ALMS1: variants seen among roughly 807,000 people sequenced by gnomAD.
The protein encoded by ALMS1 is centrosome-associated protein ALMS1.
In ALMS1, 271 loss-of-function variants were observed where a neutral mutation model predicts 352.2. The observed-to-expected ratio is 0.77, with a 90% CI of 0.70 to 0.85. The LOEUF is 0.85. Ranked by LOEUF, ALMS1 falls within the 40% of genes least tolerant of loss-of-function variation. The pLI is 0.00. For missense variants in ALMS1, 5,445 were observed against 4,870.7 expected (o/e 1.12, Z -3.51); for synonymous variants, 1,865 against 1,761.2 (o/e 1.06, Z -1.48).
At chr2:73,428,380 C>A (rs1180176787) in intron 6 of ALMS1, among the ~76,000 whole-genome samples, 1 of 152,128 alleles carries the variant, frequency 6.6e-6, no homozygotes, top group East Asian at 1.9e-4. Flanking sequence ...CCCCTCCCCC[C>A]ACCTTTTAAC....
chr2:73,595,769 G>A (rs1450263432), intron 16 of ALMS1, among the ~76,000 whole-genome samples: 1 of 152,078 alleles, frequency 6.6e-6, no homozygotes, highest in Non-Finnish European at 1.5e-5. Flanking sequence ...TGAGGGTTTC[G>A]GTTTCTCCAC....
chr2:73,455,362 T>C, intron 9 of ALMS1, 67 bp downstream of exon 9: 1 of 1,594,030 alleles, frequency 6.3e-7, no homozygotes. Flanking sequence ...TAGGATCTCT[T>C]ACTTGGGCAT....
At chr2:73,429,122 A>G (rs1006890438) in intron 6 of ALMS1, among the ~76,000 whole-genome samples, 4 of 152,114 alleles carry the variant, frequency 2.6e-5, no homozygotes, top group African/African-American at 4.8e-5. Context: ...GTACTATTAA[A>G]TGGGGTAAGT....
At chr2:73,386,251 C>G (rs890744248) in intron 1 of ALMS1, 59 bp downstream of exon 1, 57 of 1,422,092 alleles carry the variant, frequency 4.0e-5, no homozygotes, top group Non-Finnish European at 5.1e-5. Flanking sequence ...AGGCTGGGCC[C>G]CGAGCGCTCC....
chr2:73,530,647 T>G (rs1411219881), intron 11 of ALMS1, among the ~76,000 whole-genome samples: 1 of 152,212 alleles, frequency 6.6e-6, no homozygotes, highest in Non-Finnish European at 1.5e-5. Context: ...GGACTATTAG[T>G]GGGGGCTCCA....
At chr2:73,541,898 T>C (rs937721043) in intron 12 of ALMS1, among the ~76,000 whole-genome samples, 3 of 152,064 alleles carry the variant, frequency 2.0e-5, no homozygotes, top group African/African-American at 7.2e-5. Flanking sequence ...CCAAAAAAAG[T>C]CCAGGACCAG....
At position 73,385,943 on chromosome 2, in the gene ALMS1, A is replaced by C; in HGVS notation, c.75A>C (p.Glu25Asp). 7.6e-5 allele frequency: 56 copies of C among 735,576 alleles called. No homozygotes were observed. Among genetic ancestry groups the C allele is most frequent in the Non-Finnish European group, 1.1e-4 (52 of 482,974 alleles). The allele number at this position is 735,576 out of a possible 1,614,324, so 45.6% of individuals were successfully genotyped here. Residue 25 changes from glutamate (E) to aspartate (D), a missense_variant, in exon 1 of 23, where the codon GAA (glutamate) becomes GAC (aspartate). By Grantham distance (45) the Glu-to-Asp change is conservative. Coordinates refer to ENST00000613296, the MANE Select transcript of ALMS1 (RefSeq NM_001378454.1). ...EEEEEEEEEE[E>D]EEEAAAAAAA... ...AGGAGGAGGAGGAGGAGGAGGAGGA[A>C]GAGGAGGAGGCTGCAGCGGCGGCGG...
chr2:73,595,065 A>C (rs547639510), intron 16 of ALMS1, among the ~76,000 whole-genome samples: 1 of 152,194 alleles, frequency 6.6e-6, no homozygotes, highest in Non-Finnish European at 1.5e-5. Context: ...CCTTCCCCAC[A>C]AGTTTTTGTT....
At chr2:73,542,347 G>T (rs530398409) in intron 12 of ALMS1, among the ~76,000 whole-genome samples, 2,574 of 152,120 alleles carry the variant, frequency 0.017, 69 homozygotes, top group African/African-American at 0.057. Flanking sequence ...CTCAATAAAT[G>T]AGGTATTGAT....
chr2:73,526,353 T>C (rs1369099601), intron 11 of ALMS1, among the ~76,000 whole-genome samples: 3 of 151,830 alleles, frequency 2.0e-5, no homozygotes, highest in Non-Finnish European at 4.4e-5. Context: ...TGAATACAGA[T>C]TCAGTGGAAT....
chr2:73,455,141 A>G, intron 8 of ALMS1, 21 bp from the exon 9 acceptor site: 1 of 1,612,170 alleles, frequency 6.2e-7, no homozygotes, highest in Non-Finnish European at 8.5e-7. Flanking sequence ...GTATTATCTC[A>G]AGTGTATGCT....
At position 73,496,135 on chromosome 2, in the gene ALMS1, G is replaced by T. The variant is rs191033481; in HGVS notation, c.9539+4637G>T. Among the ~76,000 whole-genome samples the T allele has an allele frequency of 2.2e-3, 335 of 152,044 alleles. 2 individuals carry two copies. The highest frequency in any genetic ancestry group is 3.4e-3 in the Middle Eastern group (1 of 292). On this transcript the variant is annotated intron_variant, in intron 10 of 22. Coordinates refer to ENST00000613296, the MANE Select transcript of ALMS1 (RefSeq NM_001378454.1). ...TCCTGGTTCACCTTTGAAAATTTCC[G>T]TACTTATAAATTTCACTTTCTGTGC...
intron 9 of ALMS1, among the ~76,000 whole-genome samples, chr2:73,485,668 C>T (rs1283907048): frequency 5.9e-5 from 9 of 152,230 alleles, no homozygotes; most frequent in African/African-American, 2.2e-4. Flanking sequence ...CGCCCCTCCC[C>T]CAGCCTCGCT....
In ALMS1 at chr2:73,534,966, A is replaced by C. The variant is rs772675597; in HGVS notation, c.9907+17A>C. 9.3e-6 allele frequency: 15 copies of C among 1,613,228 alleles called. No individual in the cohort carries two copies. In the Admixed American group the frequency reaches 2.5e-4, roughly 27 times the overall value. ...CCCATTCAGGTATTATGCAGAAATT[A>C]TTCGAAGTTTTATTGTTTGATATTT... On this transcript the variant is annotated intron_variant, in intron 12 of 22. Transcript: ENST00000613296.
At chr2:73,498,279 A>G (rs1339233273) in intron 10 of ALMS1, among the ~76,000 whole-genome samples, 1 of 150,292 alleles carries the variant, frequency 6.7e-6, no homozygotes, top group Non-Finnish European at 1.5e-5. Context: ...TTTCTTTTTA[A>G]TTTTCATTGG....
At chr2:73,554,781 A>G (rs754267585) in intron 13 of ALMS1, among the ~76,000 whole-genome samples, 4 of 152,138 alleles carry the variant, frequency 2.6e-5, no homozygotes, top group Non-Finnish European at 2.9e-5. Flanking sequence ...TTTATTTCCT[A>G]ACCTGGGTAA....
intron 16 of ALMS1, among the ~76,000 whole-genome samples, chr2:73,575,738 C>A (rs965288444): frequency 6.6e-6 from 1 of 152,124 alleles, no homozygotes; most frequent in Non-Finnish European, 1.5e-5. Flanking sequence ...TTGTTAGATA[C>A]ATGATCTGCA....
chr2:73,574,549 G>T (rs896035431), intron 16 of ALMS1, among the ~76,000 whole-genome samples: 5 of 152,126 alleles, frequency 3.3e-5, no homozygotes, highest in Admixed American at 6.6e-5. Context: ...GGAGACCACT[G>T]GTCTAGAGAA....
At chr2:73,419,492 C>G (rs765447333) in intron 3 of ALMS1, among the ~76,000 whole-genome samples, 174 bp downstream of exon 3, 12 of 152,104 alleles carry the variant, frequency 7.9e-5, no homozygotes, top group Non-Finnish European at 1.5e-4. Flanking sequence ...GCTAGCTGAT[C>G]TAATTATATT....
Sources: gnomAD v4.1 joint callset for allele counts (sites outside exome capture counted in the v4.1 genomes callset) on GRCh38, gnomAD v4.1.1 for gene constraint, MANE v1.5 for transcripts, NCBI Gene and HGNC (gene_info 2026-07-23, HGNC 2026-07-21) for gene names.